The following CARMIL1 variants were observed in gnomAD, a reference collection of about 807,000 sequenced individuals.
The protein encoded by CARMIL1 is F-actin-uncapping protein LRRC16A.
CARMIL1 carries 90 observed loss-of-function variants against 177.1 expected under a neutral mutation model. The ratio of observed to expected loss-of-function variants is 0.51; its 90% confidence interval spans 0.43 to 0.61. The LOEUF (loss-of-function observed/expected upper bound fraction) is 0.61, where lower values mean the gene tolerates loss of function less well. Ranked by LOEUF, CARMIL1 falls within the 20% of genes least tolerant of loss-of-function variation. The probability of loss-of-function intolerance (pLI) is 0.00; values close to 1 mark genes in which losing one functional copy is unlikely to be tolerated. For synonymous variants in CARMIL1, 577 were observed against 606.2 expected, an observed-to-expected ratio of 0.95 and a Z score of 0.71; for missense variants, 1,380 against 1,667.0, an observed-to-expected ratio of 0.83 and a Z score of 3.00.
intron 8 of CARMIL1, among the ~76,000 whole-genome samples, chr6:25,451,237 T>G (rs1292903849): frequency 6.6e-6 from 1 of 151,976 alleles, no homozygotes; most frequent in Non-Finnish European, 1.5e-5. Context: ...ATGTGCTGAA[T>G]TTTACCATAA....
chr6:25,341,156 G>C (rs1476171245), intron 2 of CARMIL1, among the ~76,000 whole-genome samples: 1 of 121,672 alleles, frequency 8.2e-6, no homozygotes, highest in African/African-American at 3.3e-5. Flanking sequence ...TTACAGAGGC[G>C]TAAACGGGAG....
At chr6:25,609,464 T>C (rs1188367995) in intron 35 of CARMIL1, among the ~76,000 whole-genome samples, 2 of 90,858 alleles carry the variant, frequency 2.2e-5, no homozygotes, top group African/African-American at 8.9e-5. Flanking sequence ...AGACTCCATC[T>C]CAAAAAAAAA....
chr6:25,372,513 A>C (rs545932082), intron 2 of CARMIL1, among the ~76,000 whole-genome samples: 3 of 152,236 alleles, frequency 2.0e-5, no homozygotes, highest in African/African-American at 4.8e-5. Flanking sequence ...TTATTATAAA[A>C]GGGATTGAGT....
chr6:25,422,338 G>A (rs1226128483), intron 3 of CARMIL1, among the ~76,000 whole-genome samples: 3 of 152,172 alleles, frequency 2.0e-5, no homozygotes, highest in African/African-American at 7.2e-5. Flanking sequence ...AAGTTATGGC[G>A]CTATAATGTT....
chr6:25,435,323 C>A (rs1373531208), intron 4 of CARMIL1, among the ~76,000 whole-genome samples, 160 bp from the exon 5 acceptor site: 1 of 151,704 alleles, frequency 6.6e-6, no homozygotes, highest in Non-Finnish European at 1.5e-5. Flanking sequence ...TGTTCACGCA[C>A]GTATGTGAGA....
At chr6:25,387,656 G>A (rs781052278) in intron 2 of CARMIL1, among the ~76,000 whole-genome samples, 40 of 152,198 alleles carry the variant, frequency 2.6e-4, no homozygotes, top group Admixed American at 5.9e-4. Context: ...CCATTCATGA[G>A]ATTCAACCAA....
rs1785167036 is a variant in CARMIL1 at position 25,326,957 on chromosome 6, A to G, written c.138+42048A>G. Among the ~76,000 whole-genome samples the G allele has an allele frequency of 6.6e-6, 1 of 152,134 alleles. No homozygotes were observed. The highest frequency in any genetic ancestry group is 6.5e-5 in the Admixed American group (1 of 15,274). ...AGACTGGTGGGGGTAGCAAAAGGAC[A>G]TAACTTTTGAACACATTGCGTTTGG... On this transcript the variant is annotated intron_variant, in intron 2 of 36. Transcript: ENST00000329474. The surrounding 1 kb of genome is among the most constrained non-coding windows in gnomAD (Gnocchi z 4.2).
intron 2 of CARMIL1, among the ~76,000 whole-genome samples, chr6:25,297,424 T>G (rs1782496618): frequency 6.6e-6 from 1 of 152,184 alleles, no homozygotes; most frequent in Non-Finnish European, 1.5e-5. Context: ...AGAAAAAAAC[T>G]TTTGGAGTTT....
chr6:25,279,935 T>G (rs1780940303), intron 1 of CARMIL1, 100 bp downstream of exon 1: 2 of 1,398,074 alleles, frequency 1.4e-6, no homozygotes, highest in African/African-American at 2.8e-5. Flanking sequence ...CGAGAAGTCT[T>G]GGCGCCCCTT....
intron 2 of CARMIL1, among the ~76,000 whole-genome samples, chr6:25,348,771 A>G (rs1303745669): frequency 6.6e-6 from 1 of 152,082 alleles, no homozygotes; most frequent in South Asian, 2.1e-4. Context: ...ACAGAGCTAG[A>G]CTCTGTCTTA....
rs1267881806 is a variant in CARMIL1, at chr6:25,558,110, CT to C, written c.2742+1264del. On this transcript the variant is annotated intron_variant, in intron 29 of 36. Coordinates refer to ENST00000329474, the MANE Select transcript of CARMIL1 (RefSeq NM_017640.6). The surrounding 1 kb of genome is among the most constrained non-coding windows in gnomAD (Gnocchi z 4.1). ...TCATAAGTATTTTGAGTTTGTTTGC[CT>C]TTTGAGGCATTAGAAGTTGGACACT... Among the ~76,000 whole-genome samples, 1 of 151,948 alleles carries C rather than the reference CT, an allele frequency of 6.6e-6. No individual in the cohort carries two copies. The highest frequency in any genetic ancestry group is 1.5e-5 in the Non-Finnish European group (1 of 67,964).
intron 4 of CARMIL1, among the ~76,000 whole-genome samples, chr6:25,430,408 C>A (rs79347595): frequency 0.037 from 5,537 of 148,896 alleles, 174 homozygotes; most frequent in African/African-American, 0.078. Context: ...ATTATTTGGG[C>A]CTTGAGTTTT....
chr6:25,581,460 G>A (rs1198414677), intron 31 of CARMIL1, 21 bp downstream of exon 31: 3 of 1,585,936 alleles, frequency 1.9e-6, no homozygotes, highest in African/African-American at 1.4e-5. Context: ...TGCAGGAGAG[G>A]CCCCATCTCT....
chr6:25,343,186 T>C (rs536830271), intron 2 of CARMIL1, among the ~76,000 whole-genome samples: 2 of 152,328 alleles, frequency 1.3e-5, no homozygotes, highest in African/African-American at 4.8e-5. Flanking sequence ...CTGGAGTTGA[T>C]GAAATTTTGG....
In CARMIL1 at chr6:25,471,215, A is replaced by G. The variant is rs1196797513; in HGVS notation, c.737A>G (p.Asn246Ser). 8 of 1,613,350 alleles carry G rather than the reference A, an allele frequency of 5.0e-6. No homozygotes were observed. Among genetic ancestry groups the G allele is most frequent in the East Asian group, 2.2e-5 (1 of 44,858 alleles). Reference sequence around the variant, plus strand: ...ATCTTGAGGGTGGTGAGTAGGTCCAATCGACTGGAAGAATTGGTGTTGGAA... The same window carrying G: ...ATCTTGAGGGTGGTGAGTAGGTCCAGTCGACTGGAAGAATTGGTGTTGGAA... Reference protein sequence around the residue: ...EQILRVVSRSNRLEELVLENA... With the variant: ...EQILRVVSRSSRLEELVLENA... The change falls in exon 10 of 37, where the codon AAT (asparagine) becomes AGT (serine). Residue 246 changes from asparagine to serine, a missense_variant. Coordinates refer to ENST00000329474, the MANE Select transcript of CARMIL1 (RefSeq NM_017640.6).
At chr6:25,340,780 T>TTTTTTTTTG (rs1786831274) in intron 2 of CARMIL1, among the ~76,000 whole-genome samples, 1 of 84,442 alleles carries the variant, frequency 1.2e-5, no homozygotes, top group African/African-American at 7.6e-5. Flanking sequence ...AATGAAGGTT[T>TTTTTTTTTG]TTTTTTTTTT....
chr6:25,343,110 GA>G (rs1225291542), intron 2 of CARMIL1, among the ~76,000 whole-genome samples: 2 of 152,152 alleles, frequency 1.3e-5, no homozygotes, highest in Non-Finnish European at 2.9e-5. Context: ...CCTCAATGTG[GA>G]ATGTTTTATA....
chr6:25,362,370 T>C (rs542248824), intron 2 of CARMIL1, among the ~76,000 whole-genome samples: 4 of 152,354 alleles, frequency 2.6e-5, no homozygotes, highest in Admixed American at 2.6e-4. Flanking sequence ...AGACCAGCTA[T>C]GTATAGTTAA....
Position 25,293,265 on chromosome 6 carries a change from G to GGTGTGTGTGTGTGTGTGT in CARMIL1, c.138+8379_138+8396dup, listed in dbSNP as rs57127326. Among the ~76,000 whole-genome samples the GGTGTGTGTGTGTGTGTGT allele has an allele frequency of 1.6e-3, 212 of 134,374 alleles. 1 individual carries two copies. The highest frequency in any genetic ancestry group is 3.8e-3 in the Admixed American group (50 of 13,176). The allele number at this position is 134,374 out of a possible 152,430, so 88.2% of individuals were successfully genotyped here. ...GCAAAGAGGGGAAAGAAGGATGCTT[G>GGTGTGTGTGTGTGTGTGT]GTGTGTGTGTGTGTGTGTGTGTGTG... On this transcript the variant is annotated intron_variant, in intron 2 of 36. Transcript: ENST00000329474.
Sources: allele counts gnomAD v4.1 joint callset (sites outside exome capture counted in the v4.1 genomes callset), GRCh38; gene constraint gnomAD v4.1.1; non-coding constraint Gnocchi (gnomAD v3.1); transcripts MANE v1.5; gene names NCBI Gene and HGNC (gene_info 2026-07-23, HGNC 2026-07-21).